Variants in PRKCA observed in about 807,000 individuals in gnomAD.
The protein encoded by PRKCA is protein kinase C alpha, also known as protein kinase C alpha type.
A neutral mutation model predicts 87.0 loss-of-function variants in PRKCA; 27 were observed. The ratio of observed to expected loss-of-function variants is 0.31; its 90% confidence interval spans 0.23 to 0.43. The LOEUF is 0.43. PRKCA is among the 20% of genes least tolerant of loss of function. The probability of loss-of-function intolerance (pLI) is 1.00; values close to 1 mark genes in which losing one functional copy is unlikely to be tolerated. For synonymous variants in PRKCA, 329 were observed against 311.1 expected (o/e 1.06, Z -0.61); for missense variants, 518 against 852.3 (o/e 0.61, Z 4.88).
chr17:66,715,033 T>C (rs936801399), intron 8 of PRKCA, among the ~76,000 whole-genome samples: 3 of 152,208 alleles, frequency 2.0e-5, no homozygotes, highest in Non-Finnish European at 2.9e-5. Flanking sequence ...TGCTTTCAAA[T>C]TGCTTGCTCC....
chr17:66,456,981 A>C (rs1277721126), intron 2 of PRKCA, among the ~76,000 whole-genome samples: 1 of 152,106 alleles, frequency 6.6e-6, no homozygotes, highest in Non-Finnish European at 1.5e-5. Flanking sequence ...GAATGTCATG[A>C]ATGTCTGAGT....
chr17:66,781,911 TGTGTGTGAGTGA>T (rs1975238153), intron 14 of PRKCA, among the ~76,000 whole-genome samples: 5 of 150,788 alleles, frequency 3.3e-5, no homozygotes, highest in African/African-American at 9.8e-5. Context: ...TGTGTGTGTG[TGTGTGTGAGTGA>T]GTGTGAGTGT....
At chr17:66,525,195 G>A (rs1290495494) in intron 3 of PRKCA, among the ~76,000 whole-genome samples, 3 of 152,138 alleles carry the variant, frequency 2.0e-5, no homozygotes, top group Non-Finnish European at 2.9e-5. Context: ...GAGAGACCAC[G>A]TGGAGCAGAA....
chr17:66,331,224 A>G (rs1034478623), intron 2 of PRKCA, among the ~76,000 whole-genome samples: 1 of 152,052 alleles, frequency 6.6e-6, no homozygotes, highest in African/African-American at 2.4e-5. Context: ...GTTTGGGTTG[A>G]AAGACTGTAT....
intron 3 of PRKCA, among the ~76,000 whole-genome samples, chr17:66,564,764 G>A (rs968961868): frequency 1.3e-5 from 2 of 152,078 alleles, no homozygotes; most frequent in African/African-American, 2.4e-5. Context: ...GGTGGATCAC[G>A]AGGTCGGGAG....
At chr17:66,425,130 G>A (rs529294855) in intron 2 of PRKCA, among the ~76,000 whole-genome samples, 2 of 152,200 alleles carry the variant, frequency 1.3e-5, no homozygotes, top group East Asian at 1.9e-4. Flanking sequence ...AGAAATAGTC[G>A]TTGGTCCTGT....
chr17:66,705,887 C>T (rs1973180025), intron 8 of PRKCA, among the ~76,000 whole-genome samples: 1 of 152,126 alleles, frequency 6.6e-6, no homozygotes, highest in Non-Finnish European at 1.5e-5. Context: ...AGGGTGACAC[C>T]AAACATAATG....
chr17:66,743,562 T>TA (rs1974204565), intron 13 of PRKCA, among the ~76,000 whole-genome samples: 1 of 152,206 alleles, frequency 6.6e-6, no homozygotes, highest in Non-Finnish European at 1.5e-5. Context: ...TTATAACACT[T>TA]ACAGAGGATT....
intron 9 of PRKCA, 49 bp from the exon 10 acceptor site, chr17:66,735,440 C>A (rs758717508): frequency 1.2e-6 from 2 of 1,610,884 alleles, no homozygotes; most frequent in South Asian, 1.1e-5. Context: ...CCTCTGCCCC[C>A]CAAGATATGT....
intron 2 of PRKCA, among the ~76,000 whole-genome samples, chr17:66,461,034 C>T (rs2319525): frequency 0.049 from 7,515 of 151,912 alleles, 614 homozygotes; most frequent in African/African-American, 0.17. Context: ...GGCAAAACCC[C>T]ATCTCTACAA....
intron 2 of PRKCA, among the ~76,000 whole-genome samples, chr17:66,462,948 A>C (rs2143975889): frequency 6.6e-6 from 1 of 151,586 alleles, no homozygotes; most frequent in South Asian, 2.1e-4. Context: ...ACACACACAC[A>C]CACACACACA....
intron 3 of PRKCA, among the ~76,000 whole-genome samples, chr17:66,515,946 A>C (rs1216811835): frequency 6.6e-6 from 1 of 152,040 alleles, no homozygotes; most frequent in East Asian, 1.9e-4. Context: ...ACTATGTCTA[A>C]GTTGTTTATT....
chr17:66,710,492 C>T (rs1973296330), intron 8 of PRKCA, among the ~76,000 whole-genome samples: 1 of 152,136 alleles, frequency 6.6e-6, no homozygotes, highest in Non-Finnish European at 1.5e-5. Flanking sequence ...GCTCTTTCCT[C>T]ATCCACTTTC....
intron 3 of PRKCA, among the ~76,000 whole-genome samples, chr17:66,547,990 T>C (rs1022942954): frequency 5.3e-5 from 8 of 152,194 alleles, no homozygotes; most frequent in Admixed American, 3.9e-4. Context: ...ACTCTTTTTT[T>C]CTTAGGCCTG....
At chr17:66,340,204 T>C (rs1267405861) in intron 2 of PRKCA, 1 of 152,082 alleles carries the variant, frequency 6.6e-6, no homozygotes, top group African/African-American at 2.4e-5. Flanking sequence ...CATAAAATGT[T>C]TGTTTCAGCC....
chr17:66,795,119 A>C (rs756840860), intron 16 of PRKCA, among the ~76,000 whole-genome samples: 3 of 152,052 alleles, frequency 2.0e-5, no homozygotes, highest in Admixed American at 2.0e-4. Context: ...AGATAATTCC[A>C]TGTGTATTTC....
chr17:66,356,590 C>G (rs1858464032), intron 2 of PRKCA, among the ~76,000 whole-genome samples: 1 of 152,130 alleles, frequency 6.6e-6, no homozygotes, highest in Non-Finnish European at 1.5e-5. Context: ...TGCCACTGCA[C>G]TCCAACCTGG....
intron 4 of PRKCA, among the ~76,000 whole-genome samples, chr17:66,644,461 A>C (rs1971398118): frequency 6.6e-6 from 1 of 152,112 alleles, no homozygotes; most frequent in Non-Finnish European, 1.5e-5. Flanking sequence ...GAACACCCAC[A>C]CACAGTCTTC....
intron 2 of PRKCA, among the ~76,000 whole-genome samples, chr17:66,428,411 TG>T (rs1403814172): frequency 2.0e-5 from 3 of 152,126 alleles, no homozygotes; most frequent in Non-Finnish European, 4.4e-5. Flanking sequence ...TAAAACCAGT[TG>T]AAATCACATT....
Sources: gnomAD v4.1 joint callset for allele counts (sites outside exome capture counted in the v4.1 genomes callset) on GRCh38, gnomAD v4.1.1 for gene constraint, MANE v1.5 for transcripts, NCBI Gene and HGNC (gene_info 2026-07-23, HGNC 2026-07-21) for gene names.